The following HAUS6 variants were observed in gnomAD, a reference collection of about 807,000 sequenced individuals.
HAUS6 encodes the protein HAUS augmin like complex subunit 6.
Under a neutral mutation model 106.8 loss-of-function variants are expected in HAUS6, and 80 were observed. The ratio of observed to expected loss-of-function variants is 0.75; its 90% confidence interval spans 0.63 to 0.90. The LOEUF (loss-of-function observed/expected upper bound fraction) is 0.90. HAUS6 is among the 40% of genes least tolerant of loss of function. The pLI is 0.00. For synonymous variants in HAUS6, 356 were observed against 379.1 expected, an observed-to-expected ratio of 0.94 and a Z score of 0.71; for missense variants, 1,155 against 1,118.1, an observed-to-expected ratio of 1.03 and a Z score of -0.47.
intron 1 of HAUS6, among the ~76,000 whole-genome samples, chr9:19,100,204 G>T (rs1817957786): frequency 6.6e-6 from 1 of 151,152 alleles, no homozygotes; most frequent in African/African-American, 2.4e-5. Context: ...AAAAAAAAAA[G>T]AATTAAAACT....
At chr9:19,067,093 G>C (rs1836773736) in intron 12 of HAUS6, among the ~76,000 whole-genome samples, 2 of 151,866 alleles carry the variant, frequency 1.3e-5, no homozygotes, top group African/African-American at 4.8e-5. Flanking sequence ...TGATAGGGCT[G>C]ATAACACTCT....
intron 11 of HAUS6, among the ~76,000 whole-genome samples, chr9:19,070,793 G>A (rs1000656817): frequency 6.6e-5 from 10 of 152,212 alleles, no homozygotes; most frequent in African/African-American, 2.4e-4. Context: ...TCTAGGAAAG[G>A]ATAGTGATGA....
chr9:19,102,491 G>A (rs1433196261), intron 1 of HAUS6, 33 bp downstream of exon 1: 2 of 1,605,926 alleles, frequency 1.2e-6, no homozygotes, highest in South Asian at 1.1e-5. Flanking sequence ...CCCGGTTCAG[G>A]CTCCCTCGCC....
Position 19,090,322 on chromosome 9 carries a change from A to G in HAUS6, c.437-763T>C, listed in dbSNP as rs146620664. Among the ~76,000 whole-genome samples, 7 of 152,272 alleles carry G rather than the reference A, an allele frequency of 4.6e-5. No homozygotes were observed. In the East Asian group the frequency reaches 1.3e-3, roughly 29 times the overall value. On this transcript the variant is annotated intron_variant, in intron 4 of 16. Transcript: ENST00000380502. ...CGTAATAGTGTATTTATTTATAGAT[A>G]CCTCAAATTATAATAAGAGCTACTT...
chr9:19,063,263 CAGTTCACTGG>C (rs1324824235), intron 13 of HAUS6, 70 bp from the exon 14 acceptor site: 9 of 987,554 alleles, frequency 9.1e-6, no homozygotes, highest in Non-Finnish European at 1.4e-5. Flanking sequence ...TCTTCATTAG[CAGTTCACTGG>C]TTATCATGAA....
intron 8 of HAUS6, among the ~76,000 whole-genome samples, chr9:19,081,421 T>C (rs1837147297): frequency 6.6e-6 from 1 of 152,078 alleles, no homozygotes; most frequent in Non-Finnish European, 1.5e-5. Context: ...TTTGAATTAG[T>C]TGCCAATTTT....
intron 8 of HAUS6, among the ~76,000 whole-genome samples, chr9:19,081,006 A>G (rs995489068): frequency 6.6e-6 from 1 of 151,814 alleles, no homozygotes; most frequent in Non-Finnish European, 1.5e-5. Context: ...CAAGAGGCAG[A>G]GGTTGCAGTG....
At chr9:19,097,885 AAAATC>A (rs886373480) in intron 1 of HAUS6, among the ~76,000 whole-genome samples, 36 of 152,218 alleles carry the variant, frequency 2.4e-4, no homozygotes, top group African/African-American at 8.0e-4. Context: ...TTCCTTCCAA[AAAATC>A]AAATCAAGTG....
intron 11 of HAUS6, among the ~76,000 whole-genome samples, chr9:19,076,111 G>T (rs1003463227): frequency 7.2e-5 from 11 of 151,986 alleles, no homozygotes; most frequent in African/African-American, 2.7e-4. Context: ...TGTAATCCCA[G>T]CACTTTGGGA....
At chr9:19,093,376 T>TAGTGTGA in intron 3 of HAUS6, 73 bp from the exon 4 acceptor site, 1 of 1,319,554 alleles carries the variant, frequency 7.6e-7, no homozygotes, top group Non-Finnish European at 1.1e-6. Context: ...CACACTATTT[T>TAGTGTGA]TGTTAAAGGG....
intron 11 of HAUS6, among the ~76,000 whole-genome samples, chr9:19,072,121 C>T (rs1836893250): frequency 2.0e-5 from 3 of 151,122 alleles, no homozygotes; most frequent in Admixed American, 2.0e-4. Context: ...ACCCAAGAGG[C>T]AGAGGTTGCA....
At chr9:19,062,461 A>T (rs1836645559) in intron 14 of HAUS6, among the ~76,000 whole-genome samples, 1 of 152,210 alleles carries the variant, frequency 6.6e-6, no homozygotes, top group Non-Finnish European at 1.5e-5. Context: ...ATGTTTAAAG[A>T]ATGGGAAGTG....
intron 2 of HAUS6, among the ~76,000 whole-genome samples, chr9:19,095,158 T>C (rs942514714): frequency 6.6e-5 from 10 of 150,686 alleles, no homozygotes; most frequent in Middle Eastern, 6.8e-3. Context: ...ATCATAACTG[T>C]GGGTGCTATT....
intron 10 of HAUS6, 81 bp downstream of exon 10, chr9:19,078,095 G>C (rs1175657545): frequency 1.8e-6 from 2 of 1,125,458 alleles, no homozygotes; most frequent in Admixed American, 2.1e-5. Flanking sequence ...CTCCAGCCTG[G>C]GCAACAGAGC....
At chr9:19,083,332 T>C (rs1837207288) in intron 7 of HAUS6, among the ~76,000 whole-genome samples, 1 of 151,994 alleles carries the variant, frequency 6.6e-6, no homozygotes, top group South Asian at 2.1e-4. Context: ...AGACTCAAAC[T>C]CCTGGGCTCA....
At chr9:19,091,363 T>G (rs899760955) in intron 4 of HAUS6, among the ~76,000 whole-genome samples, 26 of 151,620 alleles carry the variant, frequency 1.7e-4, no homozygotes, top group Non-Finnish European at 3.7e-4. Flanking sequence ...GTGTACCGAA[T>G]TTAGAAGTTA....
intron 11 of HAUS6, among the ~76,000 whole-genome samples, chr9:19,070,714 A>G (rs1274724291): frequency 2.0e-5 from 3 of 152,240 alleles, no homozygotes; most frequent in African/African-American, 7.2e-5. Flanking sequence ...CTGAATAACT[A>G]CATGCTACTA....
rs745927212 is a variant in HAUS6 at position 19,070,273 on chromosome 9, T to C, written c.1322A>G (p.Asn441Ser). 2 of 1,597,990 alleles carry C rather than the reference T, an allele frequency of 1.3e-6. No homozygotes were observed. The highest frequency in any genetic ancestry group is 3.3e-5 in the Admixed American group (2 of 59,944). Residue 441 changes from asparagine to serine, a missense_variant, in exon 12 of 17, where the codon AAT (asparagine) becomes AGT (serine). By Grantham distance (46) the Asn-to-Ser change is conservative. Transcript: ENST00000380502. ...PDAHKQHNQE[N>S]GCRGDSDTLG... ...GGTATCACTGTCTCCTCTGCAACCA[T>C]TTTCTTGGTTATGTTGCTTATGTGC...
chr9:19,095,558 C>A (rs1187271979), intron 2 of HAUS6, among the ~76,000 whole-genome samples: 1 of 149,646 alleles, frequency 6.7e-6, no homozygotes, highest in Non-Finnish European at 1.5e-5. Context: ...AAACCCTATA[C>A]CTTAATAATA....
Sources: allele counts gnomAD v4.1 joint callset (sites outside exome capture counted in the v4.1 genomes callset), GRCh38; gene constraint gnomAD v4.1.1; transcripts MANE v1.5; gene names NCBI Gene and HGNC (gene_info 2026-07-23, HGNC 2026-07-21).